Variants in TM7SF3 observed in about 807,000 individuals in gnomAD.
The protein encoded by TM7SF3 is seven span transmembrane protein.
Under a neutral mutation model 65.5 loss-of-function variants are expected in TM7SF3, and 60 were observed. That is an observed-to-expected ratio of 0.92 (90% CI 0.74 to 1.14). The LOEUF is 1.14. Ranked by LOEUF, TM7SF3 falls within the 50% of genes most tolerant of loss-of-function variation. The pLI is 0.00. For missense variants in TM7SF3, 623 were observed against 684.8 expected, an observed-to-expected ratio of 0.91 and a Z score of 1.01; for synonymous variants, 264 against 259.6, an observed-to-expected ratio of 1.02 and a Z score of -0.16.
intron 6 of TM7SF3, among the ~76,000 whole-genome samples, chr12:26,990,005 A>G (rs753207151): frequency 3.3e-5 from 5 of 152,034 alleles, no homozygotes; most frequent in Non-Finnish European, 5.9e-5. Context: ...AACCCCTGTC[A>G]TCACTGCAGT....
At chr12:27,013,733 G>C (rs1314402503) in intron 1 of TM7SF3, among the ~76,000 whole-genome samples, 1 of 152,150 alleles carries the variant, frequency 6.6e-6, no homozygotes, top group Non-Finnish European at 1.5e-5. Context: ...CTGTCCAGAA[G>C]CTCAGACAGT....
chr12:26,996,814 G>C lies in TM7SF3; in HGVS notation c.446C>G (p.Pro149Arg). ...GAAATTATACTCCAAGTAAATGTTG[G>C]GATCAATATCTAAATCGAACTCCAA... ...CNLEFDLDID[P>R]NIYLEYNFFE... Residue 149 changes from proline (P) to arginine (R), a missense_variant, in exon 4 of 12, where the codon CCC becomes CGC. Physicochemically the swap from Pro to Arg is moderately radical, Grantham distance 103. Transcript: ENST00000343028. The C allele has an allele frequency of 6.2e-7, 1 of 1,613,472 alleles. No homozygotes were observed. The highest frequency in any genetic ancestry group is 8.5e-7 in the Non-Finnish European group (1 of 1,179,764).
intron 3 of TM7SF3, among the ~76,000 whole-genome samples, chr12:26,998,604 G>C (rs2136431216): frequency 6.6e-6 from 1 of 152,232 alleles, no homozygotes; most frequent in Middle Eastern, 3.4e-3. Context: ...CAGTCATTGT[G>C]TTGTATCAAT....
At chr12:26,998,751 C>G (rs182037908) in intron 3 of TM7SF3, among the ~76,000 whole-genome samples, 1 of 152,318 alleles carries the variant, frequency 6.6e-6, no homozygotes, top group Non-Finnish European at 1.5e-5. Context: ...CACACTACTT[C>G]TAGAGTTAGC....
At chr12:26,990,778 G>A in intron 5 of TM7SF3, 151 bp from the exon 6 acceptor site, 1 of 567,280 alleles carries the variant, frequency 1.8e-6, no homozygotes, top group East Asian at 3.1e-5. Context: ...TGGTCAAAAG[G>A]CCATCTTACA....
At position 26,999,660 on chromosome 12, in the gene TM7SF3, G is replaced by T. The variant is rs942119639; in HGVS notation, c.263C>A (p.Ser88Tyr). Residue 88 changes from serine (S) to tyrosine (Y), a missense_variant, in exon 3 of 12, where the codon TCC (serine) becomes TAC (tyrosine). Transcript: ENST00000343028. ...VSFSPTLLSN[S>Y]SETGTASGLV... is the part of the protein sequence containing the mutation. ...TCCACTGGCAGTGCCTGTTTCCGAG[G>T]AATTGGAAAGGAGAGTCTGCAGTCC... is the stretch of plus-strand genomic sequence containing the variant. The T allele has an allele frequency of 1.5e-5, 25 of 1,614,080 alleles. No individual in the cohort carries two copies. The highest frequency in any genetic ancestry group is 2.0e-5 in the Non-Finnish European group (24 of 1,180,026).
At chr12:26,991,432 G>A (rs566998293) in intron 5 of TM7SF3, among the ~76,000 whole-genome samples, 17 of 152,254 alleles carry the variant, frequency 1.1e-4, no homozygotes, top group South Asian at 4.1e-4. Flanking sequence ...GATTACAGGC[G>A]TGAGCCACCG....
At chr12:26,994,144 T>C (rs1940490312) in intron 5 of TM7SF3, among the ~76,000 whole-genome samples, 1 of 152,166 alleles carries the variant, frequency 6.6e-6, no homozygotes, top group African/African-American at 2.4e-5. Context: ...AAAATAATAA[T>C]AGTATTAAAA....
In TM7SF3 at chr12:26,982,127, G is replaced by A. The variant is rs183535157; in HGVS notation, c.955+646C>T. On this transcript the variant is annotated intron_variant, in intron 7 of 11. Transcript: ENST00000343028. ...TGGCTCACTGCAACCTCTGCCTCCC[G>A]GGCTCAAGCAATCCTCCCACCTCAG... is the stretch of plus-strand genomic sequence containing the variant. 4.0e-5 allele frequency among the ~76,000 whole-genome samples: 6 copies of A among 151,888 alleles called. 1 individual carries two copies. Among genetic ancestry groups the A allele is most frequent in the African/African-American group, 7.2e-5 (3 of 41,422 alleles).
In TM7SF3 at chr12:26,990,499, G is replaced by A. The variant is rs775955581; in HGVS notation, c.819C>T (p.His273=). The A allele has an allele frequency of 6.2e-7, 1 of 1,614,086 alleles. No individual in the cohort carries two copies. Among genetic ancestry groups the A allele is most frequent in the Non-Finnish European group, 8.5e-7 (1 of 1,179,932 alleles). The stretch of plus-strand genomic sequence containing the variant: ...CTGCCTCAAAGCTGCAAGCGTATGT[G>A]TGAGCAGGAATGTAGGCAGCAGATG... ...LNTSAAYIPA[H]TYACSFEAGE... is the part of the protein sequence containing the mutation. Residue 273 remains histidine, a synonymous_variant, in exon 6 of 12, where the codon CAC becomes CAT. Coordinates refer to ENST00000343028, the MANE Select transcript of TM7SF3 (RefSeq NM_016551.3).
intron 1 of TM7SF3, among the ~76,000 whole-genome samples, chr12:27,013,381 C>T (rs1941323384): frequency 6.6e-6 from 1 of 152,114 alleles, no homozygotes. Context: ...AACTCTGATA[C>T]CTGGACTGGC....
At chr12:27,008,798 T>G (rs969142143) in intron 1 of TM7SF3, among the ~76,000 whole-genome samples, 1 of 152,114 alleles carries the variant, frequency 6.6e-6, no homozygotes, top group Non-Finnish European at 1.5e-5. Flanking sequence ...CTCTCACTTA[T>G]AAATGGGAGC....
chr12:26,991,943 G>T (rs1308083868), intron 5 of TM7SF3, among the ~76,000 whole-genome samples: 1 of 152,062 alleles, frequency 6.6e-6, no homozygotes, highest in Middle Eastern at 3.2e-3. Context: ...TGAATCGCAG[G>T]GGGCAGTCTT....
intron 3 of TM7SF3, among the ~76,000 whole-genome samples, chr12:26,998,385 C>G (rs529035231): frequency 2.6e-5 from 4 of 152,128 alleles, no homozygotes; most frequent in Non-Finnish European, 5.9e-5. Context: ...CCACTCCAGG[C>G]CCTTATTTAA....
chr12:27,002,783 T>A (rs967774623), intron 2 of TM7SF3, among the ~76,000 whole-genome samples: 19 of 152,210 alleles, frequency 1.2e-4, no homozygotes, highest in Non-Finnish European at 1.9e-4. Context: ...GCACTATAAT[T>A]TTTTTGTTGT....
chr12:26,981,131 T>C (rs529415908), intron 7 of TM7SF3, among the ~76,000 whole-genome samples: 2 of 152,342 alleles, frequency 1.3e-5, no homozygotes, highest in South Asian at 4.1e-4. Context: ...CTATCCTGTT[T>C]AGAATGATCA....
chr12:26,976,609 G>T (rs1170393794), intron 9 of TM7SF3, among the ~76,000 whole-genome samples: 1 of 152,180 alleles, frequency 6.6e-6, no homozygotes, highest in African/African-American at 2.4e-5. Context: ...AAATCATTTA[G>T]AAGACACTGG....
chr12:26,996,024 T>A lies in TM7SF3; in HGVS notation c.519-616A>T, dbSNP rs61406974. Among the ~76,000 whole-genome samples the A allele has an allele frequency of 3.9e-3, 594 of 151,848 alleles. 3 individuals carry two copies. Among genetic ancestry groups the A allele is most frequent in the African/African-American group, 0.013 (556 of 41,430 alleles). On this transcript the variant is annotated intron_variant, in intron 4 of 11. Coordinates refer to ENST00000343028, the MANE Select transcript of TM7SF3 (RefSeq NM_016551.3). The stretch of plus-strand genomic sequence containing the variant: ...TCTGGGGAGGCAAAAAAATTTTTTT[T>A]AAAAAAAAGCTGGGTGCAGTGGCTT...
At chr12:27,006,387 T>A (rs1189365515) in intron 1 of TM7SF3, among the ~76,000 whole-genome samples, 1 of 152,100 alleles carries the variant, frequency 6.6e-6, no homozygotes, top group Non-Finnish European at 1.5e-5. Context: ...TCCGCCCACC[T>A]GGGCCTCCCA....
Sources: allele counts gnomAD v4.1 joint callset (sites outside exome capture counted in the v4.1 genomes callset), GRCh38; gene constraint gnomAD v4.1.1; transcripts MANE v1.5; gene names NCBI Gene and HGNC (gene_info 2026-07-23, HGNC 2026-07-21).